Variants in DAB2IP observed in about 807,000 individuals in gnomAD.
DAB2IP encodes the protein disabled homolog 2-interacting protein.
Under a neutral mutation model 107.2 loss-of-function variants are expected in DAB2IP, and 28 were observed. That is an observed-to-expected ratio of 0.26 (90% CI 0.19 to 0.36). The LOEUF (loss-of-function observed/expected upper bound fraction) is 0.36. Among genes scored for constraint, DAB2IP ranks in the 10% least tolerant of loss-of-function variants. The pLI is 1.00. For missense variants in DAB2IP, 1,400 were observed against 1,644.7 expected (o/e 0.85, Z 2.57); for synonymous variants, 755 against 706.4 (o/e 1.07, Z -1.09).
intron 2 of DAB2IP, among the ~76,000 whole-genome samples, chr9:121,688,524 C>T (rs1347545813): frequency 1.3e-5 from 2 of 152,146 alleles, no homozygotes; most frequent in African/African-American, 2.4e-5. Flanking sequence ...GATCCTTCTA[C>T]CCACAATTCC....
intron 1 of DAB2IP, among the ~76,000 whole-genome samples, chr9:121,591,757 A>ATT (rs1238802557): frequency 1.3e-5 from 2 of 152,246 alleles, no homozygotes; most frequent in Non-Finnish European, 2.9e-5. Flanking sequence ...AATCATCTGC[A>ATT]TAAGGACAGT....
chr9:121,577,167 T>C (rs531622528), intron 1 of DAB2IP, among the ~76,000 whole-genome samples: 84 of 152,296 alleles, frequency 5.5e-4, no homozygotes, highest in African/African-American at 1.9e-3. Flanking sequence ...GAGAAGAAGC[T>C]GCATGGACAA....
chr9:121,628,104 T>A (rs549518087), intron 1 of DAB2IP, among the ~76,000 whole-genome samples: 1 of 152,260 alleles, frequency 6.6e-6, no homozygotes, highest in Non-Finnish European at 1.5e-5. Flanking sequence ...AGGTTGTGGT[T>A]CTTGCCTTGG....
intron 8 of DAB2IP, among the ~76,000 whole-genome samples, chr9:121,765,048 G>C (rs1301872986): frequency 6.6e-6 from 1 of 152,184 alleles, no homozygotes; most frequent in African/African-American, 2.4e-5. Flanking sequence ...CTTAGCCCCT[G>C]GGCTATACAA....
intron 3 of DAB2IP, among the ~76,000 whole-genome samples, chr9:121,709,714 A>C (rs1283471852): frequency 6.6e-6 from 1 of 152,198 alleles, no homozygotes; most frequent in African/African-American, 2.4e-5. Flanking sequence ...TGGTCACTTA[A>C]GAAGCACCCG....
rs1829610775 is a variant in DAB2IP at position 121,699,194 on chromosome 9, G to A, written c.229-131G>A. 1.0e-6 allele frequency: 1 copy of A among 967,442 alleles called. No homozygotes were observed. The highest frequency in any genetic ancestry group is 4.7e-5 in the South Asian group (1 of 21,230). The allele number at this position is 967,442 out of a possible 1,614,324, so 59.9% of individuals were successfully genotyped here. On this transcript the variant is annotated intron_variant, in intron 2 of 15. Coordinates refer to ENST00000408936, the Ensembl canonical transcript of DAB2IP. The surrounding 1 kb of genome is among the most constrained non-coding windows in gnomAD (Gnocchi z 6.2). ...GCGGCGCGGGCCGCGAGCTGCTGGG[G>A]CCGAGCCCGAGCCCGGCCCGCCCTC...
rs1417716950 is a variant in DAB2IP, at chr9:121,701,706, G to A, written c.362+2248G>A. ...GATGGGCAGAAATTTCTCTGGGGCT[G>A]TCCCTGGAGTCATCCTATTTGGAGT... On this transcript the variant is annotated intron_variant, in intron 3 of 15. Coordinates refer to ENST00000408936, the Ensembl canonical transcript of DAB2IP. The surrounding 1 kb of genome is among the most constrained non-coding windows in gnomAD (Gnocchi z 4.7). Among the ~76,000 whole-genome samples the A allele has an allele frequency of 1.3e-5, 2 of 152,186 alleles. No individual in the cohort carries two copies. The highest frequency in any genetic ancestry group is 2.9e-5 in the Non-Finnish European group (2 of 68,040).
chr9:121,688,163 C>T (rs932679087), intron 2 of DAB2IP, among the ~76,000 whole-genome samples: 3 of 152,156 alleles, frequency 2.0e-5, no homozygotes, highest in African/African-American at 4.8e-5. Flanking sequence ...AAGGCTCAGA[C>T]GCCTTCATTT....
In DAB2IP at chr9:121,651,687, C is replaced by T. The variant is rs1316642447; in HGVS notation, c.-89C>T. 43 of 1,123,926 alleles carry T rather than the reference C, an allele frequency of 3.8e-5. No individual in the cohort carries two copies. The highest frequency in any genetic ancestry group is 4.6e-5 in the Non-Finnish European group (42 of 920,076). 69.6% of individuals were successfully genotyped at this position (1,123,926 alleles called of 1,614,324 possible). ...GGCCGCTCGGGCGAGCGCGGGAGAA[C>T]GCGTGGGCGCCCGCCGGGCTGTCCG... On this transcript the variant is annotated 5_prime_UTR_variant, in exon 1 of 16. The change creates a new upstream start codon in the 5' untranslated region. Transcript: ENST00000408936. The surrounding 1 kb of genome is among the most constrained non-coding windows in gnomAD (Gnocchi z 5.1).
At chr9:121,693,247 A>G (rs987929214) in intron 2 of DAB2IP, among the ~76,000 whole-genome samples, 4 of 152,146 alleles carry the variant, frequency 2.6e-5, no homozygotes, top group African/African-American at 9.7e-5. Context: ...CCTCAGTGTC[A>G]CTGGCCTGGC....
intron 1 of DAB2IP, among the ~76,000 whole-genome samples, chr9:121,568,453 C>T (rs1261033301): frequency 6.6e-6 from 1 of 151,900 alleles, no homozygotes; most frequent in African/African-American, 2.4e-5. Context: ...TCAGTCCTAA[C>T]AAATAGTTGG....
chr9:121,640,472 G>A (rs1008445666), intron 1 of DAB2IP, among the ~76,000 whole-genome samples: 3 of 152,168 alleles, frequency 2.0e-5, no homozygotes, highest in Non-Finnish European at 4.4e-5. Flanking sequence ...GACAGAGGCT[G>A]CAGGGGAAGA....
At chr9:121,591,140 G>A (rs1480211656) in intron 1 of DAB2IP, among the ~76,000 whole-genome samples, 2 of 152,214 alleles carry the variant, frequency 1.3e-5, no homozygotes, top group Admixed American at 6.5e-5. Flanking sequence ...TGGCTGGAGT[G>A]GCTGGAGGCA....
rs1052788153 is a variant in DAB2IP, at chr9:121,701,300, C to T, written c.362+1842C>T. 1.3e-5 allele frequency among the ~76,000 whole-genome samples: 2 copies of T among 152,170 alleles called. No homozygotes were observed. The highest frequency in any genetic ancestry group is 1.9e-4 in the East Asian group (1 of 5,178). ...CTGGCTGGCCACCCTAGCCAGAGGTCGGGGCATGGCCAAGACGACCTCGTG... is the reference window on the plus strand; with the variant it reads ...CTGGCTGGCCACCCTAGCCAGAGGTTGGGGCATGGCCAAGACGACCTCGTG... On this transcript the variant is annotated intron_variant, in intron 3 of 15. Coordinates refer to ENST00000408936, the Ensembl canonical transcript of DAB2IP. This position sits in a 1 kb window ranked among gnomAD's most constrained non-coding sequence, Gnocchi z 4.7.
chr9:121,783,648 C>A, exon 16 of DAB2IP: 1 of 1,456,762 alleles, frequency 6.9e-7, no homozygotes, highest in South Asian at 1.1e-5. Flanking sequence ...TAGACTTGCT[C>A]CCTCTCCAAG....
chr9:121,637,540 G>A (rs1832131486), intron 1 of DAB2IP, among the ~76,000 whole-genome samples: 1 of 152,174 alleles, frequency 6.6e-6, no homozygotes. Context: ...AGTGGACATT[G>A]AGACGTCTCA....
intron 1 of DAB2IP, among the ~76,000 whole-genome samples, chr9:121,673,063 G>T (rs74838854): frequency 0.012 from 1,873 of 152,340 alleles, 34 homozygotes; most frequent in African/African-American, 0.043. Context: ...TAGAGGGTGT[G>T]TGTGTGTTTT....
At chr9:121,766,848 C>A in intron 9 of DAB2IP, 118 bp downstream of exon 9, 1 of 997,538 alleles carries the variant, frequency 1.0e-6, no homozygotes, top group Non-Finnish European at 1.5e-6. Flanking sequence ...CTGGTTTTGT[C>A]CCTGTCATCC....
chr9:121,767,660 A>T (rs78812089), intron 9 of DAB2IP, among the ~76,000 whole-genome samples: 1,954 of 152,262 alleles, frequency 0.013, 49 homozygotes, highest in African/African-American at 0.044. Context: ...AAGGGAGAGG[A>T]TGGCCTTCCT....
Sources: gnomAD v4.1 joint callset for allele counts (sites outside exome capture counted in the v4.1 genomes callset) on GRCh38, gnomAD v4.1.1 for gene constraint, Gnocchi (gnomAD v3.1) non-coding constraint, MANE v1.5 for transcripts, NCBI Gene and HGNC (gene_info 2026-07-23, HGNC 2026-07-21) for gene names.